The following ARHGEF17 variants were observed in gnomAD, a reference collection of about 807,000 sequenced individuals.
ARHGEF17 encodes Rho guanine nucleotide exchange factor 17, also known as 164 kDa Rho-specific guanine-nucleotide exchange factor.
In ARHGEF17, 80 loss-of-function variants were observed where a neutral mutation model predicts 174.0. The observed-to-expected ratio is 0.46, with a 90% CI of 0.38 to 0.55. ARHGEF17 has a LOEUF of 0.55. Among genes scored for constraint, ARHGEF17 ranks in the 20% least tolerant of loss-of-function variants. The probability of loss-of-function intolerance (pLI) is 0.00; values close to 1 mark genes in which losing one functional copy is unlikely to be tolerated. For synonymous variants in ARHGEF17, 1,311 were observed against 1,189.1 expected (o/e 1.10, Z -2.11); for missense variants, 2,886 against 2,839.7 (o/e 1.02, Z -0.37).
intron 1 of ARHGEF17, among the ~76,000 whole-genome samples, chr11:73,322,593 G>A (rs12289973): frequency 0.048 from 7,254 of 152,278 alleles, 597 homozygotes; most frequent in African/African-American, 0.17. Context: ...ACTTGTCTGA[G>A]CCAGGGCAGG....
chr11:73,343,000 CGCGACCGCCACT>C, intron 1 of ARHGEF17: 1 of 235,174 alleles, frequency 4.3e-6, no homozygotes, highest in Non-Finnish European at 8.2e-6. Flanking sequence ...AACTGACCAC[CGCGACCGCCACT>C]GCGGCTGCCG....
In ARHGEF17 at chr11:73,310,459, C is replaced by A. The variant is rs370888783; in HGVS notation, c.1821C>A (p.Ala607=). Residue 607 remains alanine (A), a synonymous_variant, in exon 1 of 21, where the codon GCC becomes GCA. Coordinates refer to ENST00000263674, the MANE Select transcript of ARHGEF17 (RefSeq NM_014786.4). ...QVFEKIQRMG[A]QQDDGSDAPP... is the part of the protein sequence containing the mutation. ...TTGAGAAGATCCAGCGCATGGGTGC[C>A]CAACAAGATGATGGAAGCGATGCCC... The A allele has an allele frequency of 1.2e-6, 2 of 1,613,966 alleles. No individual in the cohort carries two copies. Among genetic ancestry groups the A allele is most frequent in the Non-Finnish European group, 1.7e-6 (2 of 1,180,034 alleles).
chr11:73,353,001 C>T lies in ARHGEF17; in HGVS notation c.3442C>T (p.Leu1148Phe). ...TGCCCAGCAGAAGGTGGGAGCCCTG[C>T]TCGTCCAGTCGGTGAGTGGCCCCGC... is the stretch of plus-strand genomic sequence containing the variant. ...WHAQQKVGAL[L>F]VQSFSKDVLV... Residue 1148 changes from leucine to phenylalanine, a missense_variant, in exon 3 of 21, where the codon CTC (leucine) becomes TTC (phenylalanine). Physicochemically the swap from Leu to Phe is conservative, Grantham distance 22. Transcript: ENST00000263674. 6.2e-7 allele frequency: 1 copy of T among 1,613,760 alleles called. No individual in the cohort carries two copies. The highest frequency in any genetic ancestry group is 8.5e-7 in the Non-Finnish European group (1 of 1,179,938).
chr11:73,311,828 G>A lies in ARHGEF17; in HGVS notation c.3190G>A (p.Val1064Met). The A allele has an allele frequency of 6.2e-7, 1 of 1,600,600 alleles. No individual in the cohort carries two copies. Among genetic ancestry groups the A allele is most frequent in the Non-Finnish European group, 8.5e-7 (1 of 1,170,750 alleles). Residue 1064 changes from valine to methionine, a missense_variant and splice_region_variant, in exon 1 of 21, where the codon GTG becomes ATG. Transcript: ENST00000263674. Reference sequence around the variant, plus strand: ...CAGCAAGTGCTGCAGCAAGCCACAGGTGGTGAGTCCTTTGTAGGGGCCTTC... The same window carrying A: ...CAGCAAGTGCTGCAGCAAGCCACAGATGGTGAGTCCTTTGTAGGGGCCTTC... ...PASKCCSKPQVDMRKHVAMTL... is the reference protein window; with the variant it reads ...PASKCCSKPQMDMRKHVAMTL...
At position 73,367,477 on chromosome 11, in the gene ARHGEF17, G is replaced by A. The variant is rs1865859301; in HGVS notation, c.5996-107G>A. ...AAAGTGGGATTCCCCCATAGGAAGT[G>A]TGCACATCTTCCTTCCTATCTTCTG... On this transcript the variant is annotated intron_variant, in intron 20 of 20. Transcript: ENST00000263674. The A allele has an allele frequency of 4.2e-6, 4 of 957,284 alleles. No individual in the cohort carries two copies. The Admixed American group carries it at 7.0e-5, about 17-fold the overall frequency. The allele number at this position is 957,284 out of a possible 1,614,324, so 59.3% of individuals were successfully genotyped here.
Position 73,308,372 on chromosome 11 carries a change from G to C in ARHGEF17, c.-267G>C. 1 of 372,016 alleles carries C rather than the reference G, an allele frequency of 2.7e-6. No homozygotes were observed. 23.0% of individuals were successfully genotyped at this position (372,016 alleles called of 1,614,324 possible). ...GATCCCGCCCAGGCGGTGCCGCGGTGCCCCTGGTCGCTCCAGCCGCGGCGG... is the reference window on the plus strand; with the variant it reads ...GATCCCGCCCAGGCGGTGCCGCGGTCCCCCTGGTCGCTCCAGCCGCGGCGG... On this transcript the variant is annotated 5_prime_UTR_variant, in exon 1 of 21. Transcript: ENST00000263674.
chr11:73,352,774 G>C, intron 2 of ARHGEF17, 56 bp from the exon 3 acceptor site: 5 of 1,594,008 alleles, frequency 3.1e-6, no homozygotes, highest in Non-Finnish European at 4.3e-6. Flanking sequence ...CCCTGTGTAG[G>C]TGTGGTGGGG....
At position 73,365,722 on chromosome 11, in the gene ARHGEF17, A is replaced by G; in HGVS notation, c.5770A>G (p.Ile1924Val). The part of the protein sequence containing the change: ...IRQHKAACLR[I>V]TALLVCEELL... ...GCAGCACAAGGCTGCCTGTCTGCGA[A>G]TCACAGCGCTGCTGGTGTGTGAGGA... The change falls in exon 20 of 21, where the codon ATC (isoleucine) becomes GTC (valine). Residue 1924 changes from isoleucine (I) to valine (V), a missense_variant. Ile to Val is a conservative substitution (Grantham distance 29). Around this residue, in one of 4 missense-constraint regions of ARHGEF17, gnomAD observed 329 missense variants for 435.2 expected, o/e 0.76. Transcript: ENST00000263674. This position sits in a 1 kb window ranked among gnomAD's most constrained non-coding sequence, Gnocchi z 4.9. 6.2e-7 allele frequency: 1 copy of G among 1,613,702 alleles called. No individual in the cohort carries two copies. The highest frequency in any genetic ancestry group is 1.1e-5 in the South Asian group (1 of 91,088).
intron 1 of ARHGEF17, 151 bp from the exon 2 acceptor site, chr11:73,346,732 G>T: frequency 1.8e-6 from 1 of 544,406 alleles, no homozygotes; most frequent in South Asian, 3.7e-5. Flanking sequence ...GGGGGCCTCG[G>T]GGGAACAGCC....
intron 1 of ARHGEF17, among the ~76,000 whole-genome samples, chr11:73,327,579 T>C (rs1865122295): frequency 6.6e-6 from 1 of 152,164 alleles, no homozygotes; most frequent in Admixed American, 6.5e-5. Flanking sequence ...ACGAAAAATG[T>C]AGAATGAGTA....
chr11:73,362,174 C>T lies in ARHGEF17; in HGVS notation c.4629C>T (p.Ile1543=), dbSNP rs374044309. Residue 1543 remains isoleucine (I), a synonymous_variant, in exon 13 of 21, where the codon ATC becomes ATT. Coordinates refer to ENST00000263674, the MANE Select transcript of ARHGEF17 (RefSeq NM_014786.4). The part of the protein sequence containing the change: ...LRAEPDVEAC[I]AVCSARILCI... Reference sequence around the variant, plus strand: ...CCGAGCCGGACGTGGAGGCCTGCATCGCCGTCTGTTCCGCCCGCATCCTCT... The same window carrying T: ...CCGAGCCGGACGTGGAGGCCTGCATTGCCGTCTGTTCCGCCCGCATCCTCT... The T allele has an allele frequency of 3.2e-5, 51 of 1,592,970 alleles. No homozygotes were observed. The highest frequency in any genetic ancestry group is 4.2e-5 in the Non-Finnish European group (49 of 1,172,670).
chr11:73,329,353 ATATATATATATATATATATATT>A lies in ARHGEF17; in HGVS notation c.3192+17525_3193-17507del, dbSNP rs1191592937. Among the ~76,000 whole-genome samples the A allele has an allele frequency of 2.6e-4, 8 of 30,514 alleles. 2 individuals carry two copies. The highest frequency in any genetic ancestry group is 2.3e-3 in the African/African-American group (7 of 3,052). 20.0% of individuals were successfully genotyped at this position (30,514 alleles called of 152,430 possible). A position where few individuals can be genotyped will look rare whatever the true frequency, so the allele number is the denominator to read the frequency against. On this transcript the variant is annotated intron_variant, in intron 1 of 20. Transcript: ENST00000263674. Reference sequence around the variant, plus strand: ...TATATATATATATATATATATATATATATATATATATATATATATATTTTTTTTTTTTTTTTGTATTTTGGGT... The same window carrying A: ...TATATATATATATATATATATATATATTTTTTTTTTTTTTGTATTTTGGGT...
At chr11:73,342,349 C>G (rs903919817) in intron 1 of ARHGEF17, among the ~76,000 whole-genome samples, 2 of 152,080 alleles carry the variant, frequency 1.3e-5, no homozygotes, top group African/African-American at 4.8e-5. Context: ...CTCCTTCAGG[C>G]CCAAGAGCTC....
Position 73,365,323 on chromosome 11 carries a change from T to G in ARHGEF17, c.5551-67T>G. 1 of 1,575,880 alleles carries G rather than the reference T, an allele frequency of 6.3e-7. No individual in the cohort carries two copies. Among genetic ancestry groups the G allele is most frequent in the Non-Finnish European group, 8.7e-7 (1 of 1,153,876 alleles). ...TGTGAGGGATGGACACTGGTGAAGC[T>G]CCAGGCTAGGGTGGGCCAAGGGAGG... On this transcript the variant is annotated intron_variant, in intron 18 of 20. Transcript: ENST00000263674. The surrounding 1 kb of genome is among the most constrained non-coding windows in gnomAD (Gnocchi z 4.9).
intron 15 of ARHGEF17, 64 bp downstream of exon 15, chr11:73,363,519 A>T (rs1201602208): frequency 1.3e-6 from 2 of 1,561,932 alleles, no homozygotes; most frequent in Admixed American, 3.6e-5. Context: ...TCTGGAAATC[A>T]TGTGGTCCCC....
rs560787188 is a variant in ARHGEF17 at position 73,325,641 on chromosome 11, C to T, written c.3192+13811C>T. ...TCTGTACAGATATCAGGAGTGAGGA[C>T]CGAGCCTGAGACCTTCCCTGGAGCA... is the stretch of plus-strand genomic sequence containing the variant. On this transcript the variant is annotated intron_variant, in intron 1 of 20. Coordinates refer to ENST00000263674, the MANE Select transcript of ARHGEF17 (RefSeq NM_014786.4). Among the ~76,000 whole-genome samples the T allele has an allele frequency of 2.6e-5, 4 of 152,344 alleles. No homozygotes were observed. In the South Asian group the frequency reaches 8.3e-4, roughly 32 times the overall value.
At chr11:73,361,886 T>A (rs977751376) in intron 12 of ARHGEF17, among the ~76,000 whole-genome samples, 154 bp from the exon 13 acceptor site, 1 of 148,258 alleles carries the variant, frequency 6.7e-6, no homozygotes, top group Non-Finnish European at 1.5e-5. Flanking sequence ...GCCGCGTGTA[T>A]GTGTACGCGT....
intron 1 of ARHGEF17, among the ~76,000 whole-genome samples, chr11:73,312,981 G>C (rs1242905712): frequency 6.6e-6 from 1 of 152,196 alleles, no homozygotes; most frequent in Non-Finnish European, 1.5e-5. Context: ...TGGATTCTGA[G>C]CTGAGCTCAG....
At position 73,311,015 on chromosome 11, in the gene ARHGEF17, A is replaced by C. The variant is rs750155202; in HGVS notation, c.2377A>C (p.Ser793Arg). 1 of 1,614,134 alleles carries C rather than the reference A, an allele frequency of 6.2e-7. No homozygotes were observed. Among genetic ancestry groups the C allele is most frequent in the Non-Finnish European group, 8.5e-7 (1 of 1,180,010 alleles). Reference sequence around the variant, plus strand: ...TGACTGGTCTGTGGGCAGTGAAGAGAGCAAGGGATATCAGGAGGTTATTCA... The same window carrying C: ...TGACTGGTCTGTGGGCAGTGAAGAGCGCAAGGGATATCAGGAGGTTATTCA... ...HSDWSVGSEESKGYQEVIQSI... is the reference protein window; with the variant it reads ...HSDWSVGSEERKGYQEVIQSI... Residue 793 changes from serine to arginine, a missense_variant, in exon 1 of 21, where the codon AGC becomes CGC. Transcript: ENST00000263674.
Sources: allele counts gnomAD v4.1 joint callset (sites outside exome capture counted in the v4.1 genomes callset), GRCh38; gene constraint gnomAD v4.1.1; regional missense constraint gnomAD v4.1.1; non-coding constraint Gnocchi (gnomAD v3.1); transcripts MANE v1.5; gene names NCBI Gene and HGNC (gene_info 2026-07-23, HGNC 2026-07-21).